Variants in TASP1 observed in about 807,000 individuals in gnomAD.
TASP1 encodes the protein threonine aspartase 1.
In TASP1, 16 loss-of-function variants were observed where a neutral mutation model predicts 56.6. That is an observed-to-expected ratio of 0.28 (90% CI 0.19 to 0.43). The LOEUF is 0.43. Among genes scored for constraint, TASP1 ranks in the 20% least tolerant of loss-of-function variants. The probability of loss-of-function intolerance (pLI) is 1.00; values close to 1 mark genes in which losing one functional copy is unlikely to be tolerated. For missense variants in TASP1, 393 were observed against 511.6 expected (o/e 0.77, Z 2.24); for synonymous variants, 179 against 184.2 (o/e 0.97, Z 0.23).
At chr20:13,306,983 A>T in the TASP1 span, among the ~76,000 whole-genome samples, 4 of 152,178 alleles carry the variant, frequency 2.6e-5, no homozygotes, top group Admixed American at 6.5e-5. Flanking sequence ...ACCACATTTG[A>T]ATCCCTCTTG....
At chr20:13,359,618 C>A in the TASP1 span, among the ~76,000 whole-genome samples, 199 of 151,292 alleles carry the variant, frequency 1.3e-3, 2 homozygotes, top group East Asian at 0.032. Context: ...TATTGACGGC[C>A]AGGCTTCTAA....
chr20:13,358,157 C>A, the TASP1 span, among the ~76,000 whole-genome samples: 1 of 152,204 alleles, frequency 6.6e-6, no homozygotes, highest in East Asian at 1.9e-4. Flanking sequence ...AGAGAACAAA[C>A]CCCCTTTGAC....
the TASP1 span, chr20:13,288,750 T>C: frequency 2.0e-6 from 3 of 1,476,452 alleles, no homozygotes; most frequent in East Asian, 2.3e-5. Flanking sequence ...ATTAAAAACT[T>C]AGTGACATTG....
the TASP1 span, among the ~76,000 whole-genome samples, chr20:13,305,146 C>G: frequency 6.7e-6 from 1 of 148,822 alleles, no homozygotes; most frequent in Admixed American, 6.7e-5. Flanking sequence ...AAGAGTCAAT[C>G]TCATTCTGGC....
chr20:13,530,992 T>G (rs1394482139), intron 9 of TASP1, among the ~76,000 whole-genome samples: 1 of 152,208 alleles, frequency 6.6e-6, no homozygotes, highest in East Asian at 1.9e-4. Flanking sequence ...TAGTCTTCTC[T>G]GGGCAATAGT....
chr20:13,434,349 A>G (rs2042931521), intron 12 of TASP1, among the ~76,000 whole-genome samples: 1 of 151,700 alleles, frequency 6.6e-6, no homozygotes, highest in Non-Finnish European at 1.5e-5. Flanking sequence ...CCCTCTGGAG[A>G]GATGGATTAG....
At chr20:13,188,459 T>C in the TASP1 span, among the ~76,000 whole-genome samples, 20 of 152,186 alleles carry the variant, frequency 1.3e-4, no homozygotes, top group African/African-American at 4.6e-4. Context: ...AAAAATATAC[T>C]ATCAATAAAT....
At chr20:13,320,659 G>C in the TASP1 span, among the ~76,000 whole-genome samples, 1 of 152,120 alleles carries the variant, frequency 6.6e-6, no homozygotes, top group Non-Finnish European at 1.5e-5. Context: ...GAAGTTGATA[G>C]TCCCAGGTAA....
Position 13,511,541 on chromosome 20 carries a change from A to G in TASP1, c.874+16892T>C, listed in dbSNP as rs543148917. On this transcript the variant is annotated intron_variant, in intron 10 of 13. Coordinates refer to ENST00000337743, the MANE Select transcript of TASP1 (RefSeq NM_017714.3). ...ATCAAAACTACACCAATCCAAACTT[A>G]AACTACCCTTCACTTCATAGAACAA... is the stretch of plus-strand genomic sequence containing the variant. 2.0e-5 allele frequency among the ~76,000 whole-genome samples: 3 copies of G among 152,278 alleles called. No homozygotes were observed. In the South Asian group the frequency reaches 6.2e-4, roughly 32 times the overall value.
intron 12 of TASP1, among the ~76,000 whole-genome samples, chr20:13,422,592 C>T (rs2042482868): frequency 6.6e-6 from 1 of 152,110 alleles, no homozygotes; most frequent in African/African-American, 2.4e-5. Context: ...GAAGCTTATC[C>T]AAAATGCACA....
chr20:13,564,097 G>A (rs962974053), intron 7 of TASP1, among the ~76,000 whole-genome samples: 1 of 152,020 alleles, frequency 6.6e-6, no homozygotes, highest in Non-Finnish European at 1.5e-5. Flanking sequence ...AAGGCAATTA[G>A]GCAAGGAAAA....
chr20:13,552,454 T>C (rs1433185892), intron 8 of TASP1, among the ~76,000 whole-genome samples: 1 of 152,142 alleles, frequency 6.6e-6, no homozygotes, highest in Admixed American at 6.5e-5. Flanking sequence ...AATGAAGTTA[T>C]ACGAGAAATA....
At chr20:13,314,171 G>A in the TASP1 span, among the ~76,000 whole-genome samples, 6 of 152,016 alleles carry the variant, frequency 3.9e-5, no homozygotes, top group East Asian at 7.7e-4. Flanking sequence ...CACATAATGG[G>A]AATACAAGAA....
chr20:13,395,465 T>G (rs1600668862), intron 13 of TASP1, among the ~76,000 whole-genome samples: 1 of 152,226 alleles, frequency 6.6e-6, no homozygotes, highest in Admixed American at 6.5e-5. Context: ...TAATTTTTCA[T>G]GCACTAACAA....
the TASP1 span, among the ~76,000 whole-genome samples, chr20:13,159,659 C>T: frequency 6.6e-6 from 1 of 152,156 alleles, no homozygotes; most frequent in Non-Finnish European, 1.5e-5. Flanking sequence ...AGGGACCCTG[C>T]AGATGGATTT....
intron 8 of TASP1, among the ~76,000 whole-genome samples, chr20:13,539,597 C>T (rs6033754): frequency 1.1e-4 from 17 of 152,114 alleles, no homozygotes; most frequent in Non-Finnish European, 2.2e-4. Flanking sequence ...TATTTATTTC[C>T]TAAATCACTT....
the TASP1 span, among the ~76,000 whole-genome samples, chr20:13,157,536 A>G: frequency 6.6e-6 from 1 of 152,160 alleles, no homozygotes; most frequent in Non-Finnish European, 1.5e-5. Flanking sequence ...AGCTCTTTTG[A>G]ACACACAGCA....
the TASP1 span, among the ~76,000 whole-genome samples, chr20:13,250,548 C>T: frequency 1.3e-5 from 2 of 152,144 alleles, no homozygotes; most frequent in Non-Finnish European, 2.9e-5. Flanking sequence ...ACATTGGAAT[C>T]GCCTGGGGAT....
intron 5 of TASP1, among the ~76,000 whole-genome samples, chr20:13,581,853 T>C (rs914496946): frequency 1.3e-5 from 2 of 152,212 alleles, no homozygotes; most frequent in African/African-American, 4.8e-5. Context: ...TAATCCTATC[T>C]GATTAATGAG....
Sources: allele counts gnomAD v4.1 joint callset (sites outside exome capture counted in the v4.1 genomes callset), GRCh38; gene constraint gnomAD v4.1.1; transcripts MANE v1.5; gene names NCBI Gene and HGNC (gene_info 2026-07-23, HGNC 2026-07-21).